The following OPCML variants were observed in gnomAD, a reference collection of about 807,000 sequenced individuals.
OPCML encodes opioid-binding protein/cell adhesion molecule.
A neutral mutation model predicts 37.8 loss-of-function variants in OPCML; 13 were observed. The ratio of observed to expected loss-of-function variants is 0.34; its 90% CI spans 0.22 to 0.55. OPCML has a LOEUF of 0.55. Among genes scored for constraint, OPCML ranks in the 20% least tolerant of loss-of-function variants. The pLI, the probability that OPCML is intolerant of heterozygous loss-of-function variation, is 0.91. For missense variants in OPCML, 341 were observed against 435.6 expected (o/e 0.78, Z 1.93); for synonymous variants, 176 against 168.8 (o/e 1.04, Z -0.33).
intron 1 of OPCML, among the ~76,000 whole-genome samples, chr11:133,154,300 G>T (rs374726328): frequency 6.6e-6 from 1 of 151,798 alleles, no homozygotes; most frequent in East Asian, 1.9e-4. Flanking sequence ...ACAAAATGAG[G>T]GTTCTGATAA....
At chr11:132,675,637 A>C (rs534002788) in intron 2 of OPCML, among the ~76,000 whole-genome samples, 91 of 152,314 alleles carry the variant, frequency 6.0e-4, no homozygotes, top group Non-Finnish European at 1.2e-3. Context: ...CTGTGTTTCT[A>C]TACATTAGCA....
chr11:133,295,748 T>A (rs1942613683), intron 1 of OPCML, among the ~76,000 whole-genome samples: 1 of 152,234 alleles, frequency 6.6e-6, no homozygotes, highest in South Asian at 2.1e-4. Context: ...TGTAGATAAT[T>A]GATAGCAATG....
At chr11:133,481,716 C>A (rs940144555) in intron 1 of OPCML, among the ~76,000 whole-genome samples, 1 of 151,956 alleles carries the variant, frequency 6.6e-6, no homozygotes, top group Non-Finnish European at 1.5e-5. Context: ...TAAATTTACA[C>A]AGGGTGAGAT....
At chr11:133,277,315 AT>A (rs1228899067) in intron 1 of OPCML, among the ~76,000 whole-genome samples, 2 of 152,182 alleles carry the variant, frequency 1.3e-5, no homozygotes, top group Non-Finnish European at 2.9e-5. Context: ...AAGAAAGAAA[AT>A]GTGCCAATTG....
chr11:132,618,954 TACACACACACACACAC>T (rs6144570), intron 3 of OPCML, among the ~76,000 whole-genome samples: 4,358 of 145,504 alleles, frequency 0.03, 235 homozygotes, highest in East Asian at 0.25. Flanking sequence ...AGCACACGCA[TACACACACACACACAC>T]ACACACACAC....
chr11:132,853,526 A>G (rs1385559219), intron 2 of OPCML, among the ~76,000 whole-genome samples: 1 of 152,216 alleles, frequency 6.6e-6, no homozygotes, highest in African/African-American at 2.4e-5. Flanking sequence ...TAGTATAAAT[A>G]GAGTTGTGCA....
At chr11:132,429,224 G>C (rs910143285) in intron 7 of OPCML, among the ~76,000 whole-genome samples, 31 of 152,212 alleles carry the variant, frequency 2.0e-4, no homozygotes, top group African/African-American at 7.0e-4. Flanking sequence ...TTAATGCCAA[G>C]CTGTTCTGGG....
intron 1 of OPCML, among the ~76,000 whole-genome samples, chr11:133,091,772 GACTT>G (rs1948910292): frequency 6.6e-6 from 1 of 152,168 alleles, no homozygotes; most frequent in Non-Finnish European, 1.5e-5. Context: ...CTCACAGGAT[GACTT>G]GTACCTTGAG....
chr11:132,976,882 A>C (rs1002461317), intron 1 of OPCML, among the ~76,000 whole-genome samples: 1 of 152,206 alleles, frequency 6.6e-6, no homozygotes, highest in African/African-American at 2.4e-5. Context: ...TCCTTATTTC[A>C]AAAGAGATTA....
rs150282760 is a variant in OPCML at position 133,342,722 on chromosome 11, T to A, written c.61+189542A>T. Among the ~76,000 whole-genome samples, 118 of 152,262 alleles carry A rather than the reference T, an allele frequency of 7.7e-4. 1 individual carries two copies. The highest frequency in any genetic ancestry group is 1.7e-3 in the East Asian group (9 of 5,160). On this transcript the variant is annotated intron_variant, in intron 1 of 7. Transcript: ENST00000524381. ...AAAAACAGAAGACTCAGGTGGAGTC[T>A]CCTGCAGCTGAGCTGGCCCAGGCTC... is the stretch of plus-strand genomic sequence containing the variant.
chr11:132,774,461 T>C (rs944845685), intron 2 of OPCML, among the ~76,000 whole-genome samples: 1 of 152,152 alleles, frequency 6.6e-6, no homozygotes, highest in South Asian at 2.1e-4. Flanking sequence ...AAGTGGGACA[T>C]AGTGCTGGAA....
intron 1 of OPCML, among the ~76,000 whole-genome samples, chr11:133,276,753 T>C (rs987262953): frequency 2.0e-5 from 3 of 152,190 alleles, no homozygotes; most frequent in South Asian, 4.1e-4. Flanking sequence ...ATGATGCCAA[T>C]TCTATTAGAC....
chr11:133,106,218 A>G (rs1949155231), intron 1 of OPCML, among the ~76,000 whole-genome samples: 1 of 152,210 alleles, frequency 6.6e-6, no homozygotes, highest in Non-Finnish European at 1.5e-5. Context: ...TACTTCGGTC[A>G]AAAACTCATT....
intron 2 of OPCML, among the ~76,000 whole-genome samples, chr11:132,885,790 G>T (rs1247943419): frequency 6.6e-6 from 1 of 152,068 alleles, no homozygotes; most frequent in Non-Finnish European, 1.5e-5. Context: ...TCAAACAGTA[G>T]GGAAAACAGT....
intron 3 of OPCML, among the ~76,000 whole-genome samples, chr11:132,627,677 C>A (rs903138472): frequency 7.2e-5 from 11 of 152,164 alleles, no homozygotes; most frequent in Non-Finnish European, 1.6e-4. Flanking sequence ...AGTCATGAAG[C>A]AACATTCTCT....
chr11:132,524,192 C>T (rs562017200), intron 4 of OPCML, among the ~76,000 whole-genome samples: 1 of 152,358 alleles, frequency 6.6e-6, no homozygotes, highest in African/African-American at 2.4e-5. Context: ...CTAGAAGAGC[C>T]TGCCAGTTTA....
chr11:132,900,178 A>G (rs564983212), intron 2 of OPCML, among the ~76,000 whole-genome samples: 156 of 152,288 alleles, frequency 1.0e-3, no homozygotes, highest in African/African-American at 3.5e-3. Flanking sequence ...GCCCACAGCA[A>G]GTTCATAATG....
chr11:132,715,077 T>C lies in OPCML; in HGVS notation c.147-57758A>G, dbSNP rs112785771. Among the ~76,000 whole-genome samples the C allele has an allele frequency of 4.7e-4, 71 of 152,276 alleles. 5 individuals are homozygous for C. The highest frequency in any genetic ancestry group is 1.6e-3 in the African/African-American group (65 of 41,558). On this transcript the variant is annotated intron_variant, in intron 2 of 7. Coordinates refer to ENST00000524381, the MANE Select transcript of OPCML (RefSeq NM_001012393.5). ...GGAGGGCAGGCAGCTCTCAGACAGA[T>C]CACCCCAGTCCTCAGCAGGAACTGT...
intron 3 of OPCML, among the ~76,000 whole-genome samples, chr11:132,547,861 T>C (rs538391308): frequency 1.3e-5 from 2 of 152,204 alleles, no homozygotes; most frequent in Admixed American, 1.3e-4. Context: ...CAGCGTGCAT[T>C]GGTGGAAAGT....
Sources: allele counts gnomAD v4.1 joint callset (sites outside exome capture counted in the v4.1 genomes callset), GRCh38; gene constraint gnomAD v4.1.1; transcripts MANE v1.5; gene names NCBI Gene and HGNC (gene_info 2026-07-23, HGNC 2026-07-21).